Variants in SEMA3A observed in about 807,000 individuals in gnomAD.
SEMA3A encodes semaphorin-3A.
Under a neutral mutation model 97.9 loss-of-function variants are expected in SEMA3A, and 29 were observed. That is an observed-to-expected ratio of 0.30 (90% confidence interval 0.22 to 0.40). The LOEUF (loss-of-function observed/expected upper bound fraction) is 0.40. SEMA3A is among the 10% of genes least tolerant of loss of function. The pLI, the probability that SEMA3A is intolerant of heterozygous loss-of-function variation, is 1.00. For synonymous variants in SEMA3A, 321 were observed against 323.7 expected (o/e 0.99, Z 0.09); for missense variants, 763 against 951.3 (o/e 0.80, Z 2.60).
In SEMA3A at chr7:84,352,487, T is replaced by C. The variant is rs564430056; in HGVS notation, c.-169+19337A>G. 2.7e-3 allele frequency among the ~76,000 whole-genome samples: 408 copies of C among 151,810 alleles called. 1 individual carries two copies. The highest frequency in any genetic ancestry group is 9.4e-3 in the African/African-American group (390 of 41,442). ...CATTGTATGTTGGTATCAAAATATC[T>C]CATGTACCCCATAAGTATATGCACC... On this transcript the variant is annotated intron_variant, in intron 2 of 3. Transcript: ENST00000424555.
At chr7:84,033,294 G>T (rs1295263525) in intron 6 of SEMA3A, among the ~76,000 whole-genome samples, 1 of 152,046 alleles carries the variant, frequency 6.6e-6, no homozygotes, top group Non-Finnish European at 1.5e-5. Flanking sequence ...CTGTCATAAA[G>T]AGCATTTTTT....
intron 6 of SEMA3A, among the ~76,000 whole-genome samples, chr7:84,020,618 T>C (rs550341406): frequency 2.1e-4 from 32 of 152,222 alleles, no homozygotes; most frequent in African/African-American, 7.0e-4. Flanking sequence ...CTCCTACCTT[T>C]TTCATTTTGG....
intron 1 of SEMA3A, among the ~76,000 whole-genome samples, chr7:84,150,305 T>C (rs184541003): frequency 8.0e-4 from 122 of 152,232 alleles, no homozygotes; most frequent in Non-Finnish European, 1.4e-3. Flanking sequence ...AGACGGGTGA[T>C]TTCTGCATTT....
At chr7:84,102,553 C>G (rs1414206254) in intron 4 of SEMA3A, among the ~76,000 whole-genome samples, 2 of 144,252 alleles carry the variant, frequency 1.4e-5, no homozygotes, top group African/African-American at 5.0e-5. Flanking sequence ...AGAGTATCCT[C>G]TGGTGTGAAT....
Position 84,445,214 on chromosome 7 carries a change from G to A in SEMA3A, c.-246+47246C>T, listed in dbSNP as rs2706906. 3.7e-3 allele frequency among the ~76,000 whole-genome samples: 563 copies of A among 151,828 alleles called. 7 individuals carry two copies. Among genetic ancestry groups the A allele is most frequent in the African/African-American group, 0.012 (515 of 41,428 alleles). On this transcript the variant is annotated intron_variant, in intron 1 of 3. Transcript: ENST00000424555. ...GGTATTAGAAATCAATAATGAGGCCGGGTGTGGTGGCTCACTCCTGTAATA... is the reference window on the plus strand; with the variant it reads ...GGTATTAGAAATCAATAATGAGGCCAGGTGTGGTGGCTCACTCCTGTAATA...
chr7:84,458,440 T>C (rs542639689), intron 1 of SEMA3A, among the ~76,000 whole-genome samples: 1 of 147,274 alleles, frequency 6.8e-6, no homozygotes, highest in Non-Finnish European at 1.5e-5. Context: ...ATTGTGGCTA[T>C]TTAAATCATA....
At chr7:83,988,327 T>C (rs797816) in intron 12 of SEMA3A, among the ~76,000 whole-genome samples, 121,037 of 151,910 alleles carry the variant, frequency 0.8, 48,498 homozygotes, top group East Asian at 0.89. Flanking sequence ...CTCGGGTTCA[T>C]GCCATTCTCC....
intron 3 of SEMA3A, among the ~76,000 whole-genome samples, chr7:84,294,554 G>A (rs1041062626): frequency 2.0e-5 from 3 of 151,970 alleles, no homozygotes; most frequent in African/African-American, 7.2e-5. Flanking sequence ...ACTGAGAAGT[G>A]GGCGCTCTGC....
intron 1 of SEMA3A, among the ~76,000 whole-genome samples, chr7:84,444,571 T>C (rs57300657): frequency 6.7e-6 from 1 of 150,342 alleles, no homozygotes; most frequent in Non-Finnish European, 1.5e-5. Context: ...TTTCTTTTTT[T>C]TTTTTTTTGA....
intron 4 of SEMA3A, among the ~76,000 whole-genome samples, chr7:84,073,719 T>C (rs1793832660): frequency 6.6e-6 from 1 of 152,124 alleles, no homozygotes; most frequent in South Asian, 2.1e-4. Flanking sequence ...GGTCTTTTCA[T>C]GCATTATGGC....
intron 3 of SEMA3A, among the ~76,000 whole-genome samples, chr7:84,282,139 C>A (rs1800452969): frequency 6.6e-6 from 1 of 152,120 alleles, no homozygotes; most frequent in Admixed American, 6.6e-5. Flanking sequence ...TATGTCACAA[C>A]ATCATCCTTT....
At position 84,395,483 on chromosome 7, in the gene SEMA3A, T is replaced by C. The variant is rs80336674; in HGVS notation, c.-245-23583A>G. Reference sequence around the variant, plus strand: ...TTATATTTCAGGAAGGTTTAAACATTTGAATGAGGATTGATATGGTTTGGT... The same window carrying C: ...TTATATTTCAGGAAGGTTTAAACATCTGAATGAGGATTGATATGGTTTGGT... On this transcript the variant is annotated intron_variant, in intron 1 of 3. Transcript: ENST00000424555. Among the ~76,000 whole-genome samples, 2,105 of 152,180 alleles carry C rather than the reference T, an allele frequency of 0.014. 81 individuals carry two copies. In the East Asian group the frequency reaches 0.16, roughly 11 times the overall value.
At chr7:84,485,101 T>C (rs1806542202) in intron 1 of SEMA3A, among the ~76,000 whole-genome samples, 2 of 152,176 alleles carry the variant, frequency 1.3e-5, no homozygotes, top group African/African-American at 4.8e-5. Context: ...TTACATAAGA[T>C]AATGTAAGCC....
intron 6 of SEMA3A, among the ~76,000 whole-genome samples, chr7:84,040,759 G>C (rs1019814580): frequency 9.9e-5 from 15 of 152,114 alleles, no homozygotes; most frequent in African/African-American, 3.1e-4. Context: ...GAGGAAATTG[G>C]TATAGACAGG....
At chr7:84,170,888 T>C (rs778216626) in intron 1 of SEMA3A, among the ~76,000 whole-genome samples, 5 of 152,100 alleles carry the variant, frequency 3.3e-5, no homozygotes, top group Non-Finnish European at 5.9e-5. Flanking sequence ...GTTTAGTAAG[T>C]GTGCATTTTT....
intron 2 of SEMA3A, among the ~76,000 whole-genome samples, chr7:84,326,250 T>G (rs868155017): frequency 6.6e-6 from 1 of 152,180 alleles, no homozygotes; most frequent in Admixed American, 6.6e-5. Context: ...TGGTTGCTTA[T>G]GCAAGGGCAT....
chr7:83,996,012 G>A (rs1286143624), intron 12 of SEMA3A, among the ~76,000 whole-genome samples: 2 of 152,112 alleles, frequency 1.3e-5, no homozygotes, highest in East Asian at 1.9e-4. Context: ...TGTTATCAAC[G>A]TAACTGCCTT....
At chr7:84,355,798 G>A (rs927721277) in intron 2 of SEMA3A, among the ~76,000 whole-genome samples, 30 of 151,968 alleles carry the variant, frequency 2.0e-4, no homozygotes, top group East Asian at 1.5e-3. Context: ...ATAAGCCTGA[G>A]TTAATGTTGT....
chr7:84,112,993 C>G (rs1332279563), intron 3 of SEMA3A, among the ~76,000 whole-genome samples: 1 of 152,204 alleles, frequency 6.6e-6, no homozygotes, highest in Non-Finnish European at 1.5e-5. Flanking sequence ...CTTCATTTCC[C>G]CACTGAACTC....
Sources: gnomAD v4.1 joint callset for allele counts (sites outside exome capture counted in the v4.1 genomes callset) on GRCh38, gnomAD v4.1.1 for gene constraint, MANE v1.5 for transcripts, NCBI Gene and HGNC (gene_info 2026-07-23, HGNC 2026-07-21) for gene names.